The following LINGO2 variants were observed in gnomAD, a reference collection of about 807,000 sequenced individuals.
The protein encoded by LINGO2 is leucine rich repeat and Ig domain containing 2.
LINGO2 carries 14 observed loss-of-function variants against 30.6 expected under a neutral mutation model. The observed-to-expected ratio is 0.46, with a 90% CI of 0.30 to 0.72. The LOEUF (loss-of-function observed/expected upper bound fraction) is 0.72, where lower values mean the gene tolerates loss of function less well. LINGO2 is among the 30% of genes least tolerant of loss of function. LINGO2 has a pLI of 0.07. For missense variants in LINGO2, 729 were observed against 751.7 expected, an observed-to-expected ratio of 0.97 and a Z score of 0.35; for synonymous variants, 317 against 288.5, an observed-to-expected ratio of 1.10 and a Z score of -1.00.
chr9:28,447,731 T>C (rs781140285), intron 2 of LINGO2, among the ~76,000 whole-genome samples: 8 of 152,214 alleles, frequency 5.3e-5, no homozygotes, highest in East Asian at 1.9e-4. Context: ...ACAGCTAACA[T>C]TGGAGAACTA....
chr9:27,986,812 C>T (rs186459579), intron 5 of LINGO2, among the ~76,000 whole-genome samples: 129 of 151,906 alleles, frequency 8.5e-4, no homozygotes, highest in Non-Finnish European at 1.4e-3. Context: ...ACTGGCCAAA[C>T]GAGCTGGAGA....
chr9:28,592,826 T>C (rs1334474015), intron 1 of LINGO2, among the ~76,000 whole-genome samples: 1 of 151,974 alleles, frequency 6.6e-6, no homozygotes, highest in African/African-American at 2.4e-5. Context: ...GATGAAGGAA[T>C]ATTGGATTTC....
intron 1 of LINGO2, among the ~76,000 whole-genome samples, chr9:28,536,188 G>A (rs746549449): frequency 1.3e-5 from 2 of 152,080 alleles, no homozygotes; most frequent in African/African-American, 2.4e-5. Flanking sequence ...TTTTAACTCT[G>A]TGCTTAAGTG....
chr9:28,997,454 A>C, the LINGO2 span, among the ~76,000 whole-genome samples: 1 of 152,184 alleles, frequency 6.6e-6, no homozygotes, highest in African/African-American at 2.4e-5. Flanking sequence ...ACAATGACAA[A>C]TATAACAGTT....
chr9:28,337,700 G>A (rs13298550), intron 3 of LINGO2, among the ~76,000 whole-genome samples: 26,277 of 152,158 alleles, frequency 0.17, 2,975 homozygotes, highest in Non-Finnish European at 0.25. Flanking sequence ...GCCAAGTTAC[G>A]GGTTAGGTCA....
the LINGO2 span, among the ~76,000 whole-genome samples, chr9:28,861,577 AAAAAT>A: frequency 6.6e-6 from 1 of 150,918 alleles, no homozygotes. Flanking sequence ...GTGTTGCTAC[AAAAAT>A]AAAATAAAAT....
At chr9:29,194,095 A>C in the LINGO2 span, among the ~76,000 whole-genome samples, 1 of 152,034 alleles carries the variant, frequency 6.6e-6, no homozygotes, top group Non-Finnish European at 1.5e-5. Context: ...TTCTCTGTAA[A>C]ATGGGTTGAT....
At chr9:28,328,084 T>C (rs1052559860) in intron 3 of LINGO2, among the ~76,000 whole-genome samples, 3 of 152,084 alleles carry the variant, frequency 2.0e-5, no homozygotes, top group Admixed American at 1.3e-4. Context: ...GCAAGAAGAA[T>C]TGCAGTGGAG....
Position 27,957,896 on chromosome 9 carries a change from G to C in LINGO2, c.-35-7190C>G, listed in dbSNP as rs1265005313. Among the ~76,000 whole-genome samples, 4 of 152,032 alleles carry C rather than the reference G, an allele frequency of 2.6e-5. 1 individual carries two copies. The highest frequency in any genetic ancestry group is 2.4e-5 in the African/African-American group (1 of 41,366). On this transcript the variant is annotated intron_variant, in intron 5 of 5. Coordinates refer to ENST00000379992, the Ensembl canonical transcript of LINGO2. ...TTTAATTTCCTTCAACAAATATTTTGTCATCTAGAAATAAAGACAGTTTCA... is the reference window on the plus strand; with the variant it reads ...TTTAATTTCCTTCAACAAATATTTTCTCATCTAGAAATAAAGACAGTTTCA...
chr9:28,796,629 C>T, the LINGO2 span, among the ~76,000 whole-genome samples: 1 of 151,976 alleles, frequency 6.6e-6, no homozygotes, highest in Non-Finnish European at 1.5e-5. Flanking sequence ...ACAAGATCCA[C>T]ATCATGATGA....
At chr9:28,523,712 T>C (rs1185025786) in intron 1 of LINGO2, among the ~76,000 whole-genome samples, 5 of 152,042 alleles carry the variant, frequency 3.3e-5, no homozygotes, top group Non-Finnish European at 1.5e-5. Context: ...GATATAAAAT[T>C]GACAAAATAA....
chr9:28,708,677 G>A, the LINGO2 span, among the ~76,000 whole-genome samples: 431 of 151,966 alleles, frequency 2.8e-3, 3 homozygotes, highest in African/African-American at 9.6e-3. Context: ...GTGCTTCTTC[G>A]TGTAGCTTCC....
At chr9:28,433,949 C>CTATATATATATA (rs375073572) in intron 2 of LINGO2, among the ~76,000 whole-genome samples, 6 of 88,540 alleles carry the variant, frequency 6.8e-5, no homozygotes, top group African/African-American at 2.7e-4. Flanking sequence ...CTCTCTCTCT[C>CTATATATATATA]TATATATATA....
chr9:28,499,187 G>A (rs1819785576), intron 1 of LINGO2, among the ~76,000 whole-genome samples: 1 of 152,176 alleles, frequency 6.6e-6, no homozygotes, highest in Non-Finnish European at 1.5e-5. Context: ...TGGAGATGCA[G>A]AGGAATGAAG....
intron 1 of LINGO2, among the ~76,000 whole-genome samples, chr9:28,551,891 C>T (rs1429502121): frequency 1.3e-5 from 2 of 152,002 alleles, no homozygotes. Flanking sequence ...GCAATTTTTA[C>T]ATTGCCATAT....
chr9:28,883,459 C>G, the LINGO2 span, among the ~76,000 whole-genome samples: 138,724 of 151,308 alleles, frequency 0.92, 63,701 homozygotes, highest in Non-Finnish European at 0.94. Flanking sequence ...ATCTTTAATT[C>G]GTCAGATATC....
chr9:29,032,642 G>C, the LINGO2 span, among the ~76,000 whole-genome samples: 1 of 152,148 alleles, frequency 6.6e-6, no homozygotes, highest in African/African-American at 2.4e-5. Flanking sequence ...TCAGTTACAT[G>C]AAATGAGCAT....
the LINGO2 span, among the ~76,000 whole-genome samples, chr9:28,892,901 A>G: frequency 6.6e-6 from 1 of 152,164 alleles, no homozygotes; most frequent in East Asian, 1.9e-4. Context: ...GAAGTATTTA[A>G]TAAAAATTCC....
At chr9:28,651,019 T>C (rs1017482062) in intron 1 of LINGO2, among the ~76,000 whole-genome samples, 3 of 151,548 alleles carry the variant, frequency 2.0e-5, no homozygotes, top group Admixed American at 6.6e-5. Context: ...TGAAACCCTG[T>C]CTCCATTAAA....
Sources: allele counts gnomAD v4.1 joint callset (sites outside exome capture counted in the v4.1 genomes callset), GRCh38; gene constraint gnomAD v4.1.1; transcripts MANE v1.5; gene names NCBI Gene and HGNC (gene_info 2026-07-23, HGNC 2026-07-21).